Variants in CNTFR observed in about 807,000 individuals in gnomAD.
The protein encoded by CNTFR is ciliary neurotrophic factor receptor.
In CNTFR, 12 loss-of-function variants were observed where a neutral mutation model predicts 40.4. The observed-to-expected ratio is 0.30, with a 90% CI of 0.19 to 0.48. CNTFR has a LOEUF of 0.48. Among genes scored for constraint, CNTFR ranks in the 20% least tolerant of loss-of-function variants. The pLI, the probability that CNTFR is intolerant of heterozygous loss-of-function variation, is 0.99. For synonymous variants in CNTFR, 202 were observed against 209.6 expected (o/e 0.96, Z 0.31); for missense variants, 414 against 506.8 (o/e 0.82, Z 1.76).
intron 3 of CNTFR, among the ~76,000 whole-genome samples, chr9:34,565,635 C>T (rs1009027298): frequency 2.6e-5 from 4 of 152,108 alleles, no homozygotes; most frequent in South Asian, 2.1e-4. Context: ...CCCCCAGGAG[C>T]GGCCTGTCAG....
In CNTFR at chr9:34,557,845, G is replaced by GGT; in HGVS notation, c.437+20_437+21dup. On this transcript the variant is annotated intron_variant, in intron 5 of 9. Coordinates refer to ENST00000378980, the MANE Select transcript of CNTFR (RefSeq NM_147164.3). The surrounding 1 kb of genome is among the most constrained non-coding windows in gnomAD (Gnocchi z 4.2). Reference sequence around the variant, plus strand: ...AGGTCAGAGGTCAGGGCTGGACCCGGGTCACAGGCGCAGCTACTCACAGCA... The same window carrying GGT: ...AGGTCAGAGGTCAGGGCTGGACCCGGGTGTCACAGGCGCAGCTACTCACAGCA... 1 of 1,550,198 alleles carries GGT rather than the reference G, an allele frequency of 6.5e-7. No homozygotes were observed. Among genetic ancestry groups the GGT allele is most frequent in the East Asian group, 2.3e-5 (1 of 44,274 alleles).
chr9:34,574,902 GCTGGGGAGGCATC>G (rs1826879162), intron 2 of CNTFR, among the ~76,000 whole-genome samples: 1 of 152,234 alleles, frequency 6.6e-6, no homozygotes, highest in Non-Finnish European at 1.5e-5. Context: ...TGGCTGGGCA[GCTGGGGAGGCATC>G]CTGGGGAGAG....
Position 34,551,972 on chromosome 9 carries a change from C to T in CNTFR, c.*99G>A, listed in dbSNP as rs1825640752. 1 of 771,970 alleles carries T rather than the reference C, an allele frequency of 1.3e-6. No homozygotes were observed. Among genetic ancestry groups the T allele is most frequent in the African/African-American group, 1.7e-5 (1 of 58,236 alleles). The allele number at this position is 771,970 out of a possible 1,614,324, so 47.8% of individuals were successfully genotyped here. A position where few individuals can be genotyped will look rare whatever the true frequency, so the allele number is the denominator to read the frequency against. Reference sequence around the variant, plus strand: ...GTGTCTGAAGAGAATGCAAAAGGTCCTCCTGCCCGTGTGCAAAATAGAAAC... The same window carrying T: ...GTGTCTGAAGAGAATGCAAAAGGTCTTCCTGCCCGTGTGCAAAATAGAAAC... On this transcript the variant is annotated 3_prime_UTR_variant, in exon 10 of 10. Transcript: ENST00000378980.
intron 2 of CNTFR, among the ~76,000 whole-genome samples, chr9:34,580,567 C>T (rs1030536709): frequency 6.6e-6 from 1 of 152,200 alleles, no homozygotes; most frequent in African/African-American, 2.4e-5. Flanking sequence ...GACAATAGGC[C>T]CTTCCGTTCC....
At chr9:34,583,744 T>C (rs1213164755) in intron 1 of CNTFR, among the ~76,000 whole-genome samples, 1 of 152,076 alleles carries the variant, frequency 6.6e-6, no homozygotes, top group Non-Finnish European at 1.5e-5. Context: ...ATTCCATTAT[T>C]TGGAAAGTCA....
At chr9:34,562,440 C>G (rs915248124) in intron 4 of CNTFR, among the ~76,000 whole-genome samples, 7 of 152,192 alleles carry the variant, frequency 4.6e-5, no homozygotes, top group Non-Finnish European at 8.8e-5. Context: ...AAAAAAAAGG[C>G]CTTCCCATGG....
intron 2 of CNTFR, among the ~76,000 whole-genome samples, chr9:34,573,330 T>C (rs1049082217): frequency 4.5e-4 from 68 of 152,296 alleles, no homozygotes; most frequent in African/African-American, 1.5e-3. Flanking sequence ...TGAGCACCAC[T>C]AACTGCGTCT....
chr9:34,558,652 TTG>T (rs375864197), intron 4 of CNTFR, among the ~76,000 whole-genome samples: 1 of 152,102 alleles, frequency 6.6e-6, no homozygotes, highest in Non-Finnish European at 1.5e-5. Context: ...CTATGTATGA[TTG>T]TGTGTGTGTA....
intron 1 of CNTFR, chr9:34,582,290 A>C (rs1827340734): frequency 2.6e-5 from 4 of 151,966 alleles, no homozygotes; most frequent in Admixed American, 6.6e-5. Context: ...AAAAAAAAAA[A>C]AAAAAAACAC....
chr9:34,557,381 A>G lies in CNTFR; in HGVS notation c.604+145T>C, dbSNP rs1402710085. ...GTATATGTCATGCATATATGTGCAC[A>G]TATATGTGCACTGTACATACCTGTG... On this transcript the variant is annotated intron_variant, in intron 6 of 9. Coordinates refer to ENST00000378980, the MANE Select transcript of CNTFR (RefSeq NM_147164.3). The surrounding 1 kb of genome is among the most constrained non-coding windows in gnomAD (Gnocchi z 4.2). The G allele has an allele frequency of 2.4e-6, 2 of 839,994 alleles. No homozygotes were observed. The highest frequency in any genetic ancestry group is 3.4e-5 in the African/African-American group (2 of 58,460). The allele number at this position is 839,994 out of a possible 1,614,324, so 52.0% of individuals were successfully genotyped here. A position where few individuals can be genotyped will look rare whatever the true frequency, so the allele number is the denominator to read the frequency against.
intron 2 of CNTFR, among the ~76,000 whole-genome samples, chr9:34,570,498 C>T (rs1826550079): frequency 6.6e-6 from 1 of 152,140 alleles, no homozygotes; most frequent in Non-Finnish European, 1.5e-5. Context: ...AACCGTCTGA[C>T]ACACAAGCAG....
chr9:34,567,533 C>T (rs750125031), intron 3 of CNTFR, among the ~76,000 whole-genome samples: 17 of 152,140 alleles, frequency 1.1e-4, no homozygotes, highest in Non-Finnish European at 1.9e-4. Context: ...GGGATGGTAA[C>T]ACCTGATACG....
chr9:34,552,319 G>T lies in CNTFR; in HGVS notation c.960C>A (p.Thr320=). The part of the protein sequence containing the change: ...TTEAQAAETT[T]STTSSLAPPP... ...GGGGTGCCAGGGAGCTGGTGGTGCT[G>T]GTCGTGGTCTCTGGGGAACATGGGG... The change falls in exon 9 of 10, where the codon ACC becomes ACA. Residue 320 remains threonine (T), a synonymous_variant. Coordinates refer to ENST00000378980, the MANE Select transcript of CNTFR (RefSeq NM_147164.3). The surrounding 1 kb of genome is among the most constrained non-coding windows in gnomAD (Gnocchi z 5.1). 2 of 1,538,652 alleles carry T rather than the reference G, an allele frequency of 1.3e-6. No homozygotes were observed. The highest frequency in any genetic ancestry group is 2.4e-5 in the South Asian group (2 of 83,990).
chr9:34,552,001 G>C lies in CNTFR; in HGVS notation c.*70C>G, dbSNP rs1825641833. 9.1e-6 allele frequency: 8 copies of C among 877,954 alleles called. No individual in the cohort carries two copies. In the East Asian group the frequency reaches 1.8e-4, roughly 20 times the overall value. The allele number at this position is 877,954 out of a possible 1,614,324, so 54.4% of individuals were successfully genotyped here. ...TGCCCGTGTGCAAAATAGAAACCGG[G>C]GTCTGCAGGCTCAGCTCCGGCCTCC... On this transcript the variant is annotated 3_prime_UTR_variant, in exon 10 of 10. Transcript: ENST00000378980. This position sits in a 1 kb window ranked among gnomAD's most constrained non-coding sequence, Gnocchi z 5.1.
At chr9:34,580,591 G>A (rs1410670778) in intron 2 of CNTFR, among the ~76,000 whole-genome samples, 1 of 152,174 alleles carries the variant, frequency 6.6e-6, no homozygotes, top group East Asian at 1.9e-4. Context: ...CCAGTGCCTC[G>A]ATGCCTTGGA....
upstream of CNTFR, among the ~76,000 whole-genome samples, chr9:34,590,631 G>T (rs905762847): frequency 6.6e-6 from 1 of 152,188 alleles, no homozygotes; most frequent in Non-Finnish European, 1.5e-5. Context: ...CACAGCCGGG[G>T]GAGAAGCCTC....
intron 2 of CNTFR, among the ~76,000 whole-genome samples, chr9:34,573,917 A>T (rs1826811487): frequency 6.6e-6 from 1 of 152,266 alleles, no homozygotes; most frequent in Non-Finnish European, 1.5e-5. Flanking sequence ...AATGAGAGAC[A>T]GAGCGGGGGC....
rs930848995 is a variant in CNTFR, at chr9:34,589,046, G to A, written c.-112+509C>T. Among the ~76,000 whole-genome samples, 124 of 151,930 alleles carry A rather than the reference G, an allele frequency of 8.2e-4. 2 individuals are homozygous for A. The highest frequency in any genetic ancestry group is 2.9e-3 in the African/African-American group (120 of 41,226). On this transcript the variant is annotated intron_variant, in intron 1 of 9. Transcript: ENST00000378980. The surrounding 1 kb of genome is among the most constrained non-coding windows in gnomAD (Gnocchi z 4.4). ...AGAGAAAACCATGGGGACGCCGACC[G>A]ACACACACATGCACACACACACGCG... is the stretch of plus-strand genomic sequence containing the variant.
At chr9:34,590,649 A>T (rs1035450414), upstream of CNTFR, among the ~76,000 whole-genome samples, 1 of 152,174 alleles carries the variant, frequency 6.6e-6, no homozygotes, top group African/African-American at 2.4e-5. Context: ...CTCCACTGGA[A>T]TGAAGGGGTA....
Sources: allele counts gnomAD v4.1 joint callset (sites outside exome capture counted in the v4.1 genomes callset), GRCh38; gene constraint gnomAD v4.1.1; non-coding constraint Gnocchi (gnomAD v3.1); transcripts MANE v1.5; gene names NCBI Gene and HGNC (gene_info 2026-07-23, HGNC 2026-07-21).